The following CHLSN variants were observed in gnomAD, a reference collection of about 807,000 sequenced individuals.
The protein encoded by CHLSN is protein cholesin.
chr7:1,048,637 C>T, the CHLSN span, among the ~76,000 whole-genome samples: 1 of 152,180 alleles, frequency 6.6e-6, no homozygotes, highest in Non-Finnish European at 1.5e-5. Context: ...TCATTATTAA[C>T]AGACTGTTTG....
At chr7:988,447 C>T in the CHLSN span, 49 of 1,611,160 alleles carry the variant, frequency 3.0e-5, no homozygotes, top group East Asian at 4.5e-5. Context: ...CGGGGTGGGG[C>T]GGCACCTCCA....
At chr7:1,043,059 C>T in the CHLSN span, among the ~76,000 whole-genome samples, 15 of 149,628 alleles carry the variant, frequency 1.0e-4, no homozygotes, top group South Asian at 4.2e-4. Context: ...CGAGACCAGC[C>T]GGACCAACAT....
chr7:997,222 G>C, the CHLSN span: 1 of 163,936 alleles, frequency 6.1e-6, no homozygotes, highest in Non-Finnish European at 1.3e-5. Context: ...TCAGGCGGAA[G>C]GTGCAGGTTT....
chr7:1,028,165 G>C, the CHLSN span: 3 of 875,364 alleles, frequency 3.4e-6, no homozygotes, highest in Non-Finnish European at 4.1e-6. Flanking sequence ...TCCCACGGGA[G>C]CGCCCACCTG....
the CHLSN span, among the ~76,000 whole-genome samples, chr7:1,042,060 G>A: frequency 6.6e-6 from 1 of 151,936 alleles, no homozygotes; most frequent in Non-Finnish European, 1.5e-5. Context: ...GCACAACTAG[G>A]GCATCCCCCA....
At chr7:1,076,178 A>G in the CHLSN span, 2 of 152,556 alleles carry the variant, frequency 1.3e-5, no homozygotes, top group African/African-American at 4.8e-5. Flanking sequence ...GGGCTGCAAA[A>G]TCGGCTGGAA....
chr7:1,136,702 T>C, the CHLSN span, among the ~76,000 whole-genome samples: 2 of 150,384 alleles, frequency 1.3e-5, no homozygotes, highest in African/African-American at 4.9e-5. Flanking sequence ...TATGTACTTA[T>C]ATATATCATC....
the CHLSN span, among the ~76,000 whole-genome samples, chr7:1,096,140 G>A: frequency 6.6e-6 from 1 of 152,218 alleles, no homozygotes; most frequent in African/African-American, 2.4e-5. The surrounding 1 kb of genome is among the most constrained non-coding windows in gnomAD (Gnocchi z 4.6). Flanking sequence ...ACCAGACACC[G>A]CTGTTGAGTG....
At chr7:1,097,840 G>A in the CHLSN span, among the ~76,000 whole-genome samples, 1 of 152,194 alleles carries the variant, frequency 6.6e-6, no homozygotes, top group Non-Finnish European at 1.5e-5. The surrounding 1 kb of genome is among the most constrained non-coding windows in gnomAD (Gnocchi z 4.3). Context: ...CACAGCCTGA[G>A]TCTCATCAGG....
chr7:1,040,243 C>G, the CHLSN span, among the ~76,000 whole-genome samples: 1 of 150,140 alleles, frequency 6.7e-6, no homozygotes, highest in East Asian at 1.9e-4. Context: ...GTATTCCCAG[C>G]TGCTTGGGAG....
chr7:1,097,652 G>A, the CHLSN span, among the ~76,000 whole-genome samples: 1 of 152,188 alleles, frequency 6.6e-6, no homozygotes, highest in Non-Finnish European at 1.5e-5. This position sits in a 1 kb window ranked among gnomAD's most constrained non-coding sequence, Gnocchi z 4.3. Context: ...TGAGGTGCAG[G>A]GGACTGCAGA....
chr7:999,938 TGAAAAGGGCAGCTGCCCAC>T, the CHLSN span, among the ~76,000 whole-genome samples: 2 of 152,208 alleles, frequency 1.3e-5, no homozygotes, highest in Non-Finnish European at 2.9e-5. Flanking sequence ...ATCCTGCCCC[TGAAAAGGGCAGCTGCCCAC>T]ACGTACATGT....
At chr7:1,039,191 GT>G in the CHLSN span, among the ~76,000 whole-genome samples, 2 of 30,526 alleles carry the variant, frequency 6.6e-5, no homozygotes, top group African/African-American at 3.3e-4. Context: ...GGAGGTGGGG[GT>G]GTCAGCCCCC....
the CHLSN span, among the ~76,000 whole-genome samples, chr7:1,090,745 G>A: frequency 6.6e-6 from 1 of 152,228 alleles, no homozygotes; most frequent in Non-Finnish European, 1.5e-5. Context: ...TTTCTTCCTA[G>A]GTTACAAACA....
the CHLSN span, among the ~76,000 whole-genome samples, chr7:1,135,772 A>AATATATATATAT: frequency 2.9e-4 from 28 of 97,342 alleles, no homozygotes; most frequent in African/African-American, 1.1e-3. Context: ...CTCAAAAAGA[A>AATATATATATAT]ATATATATAT....
the CHLSN span, chr7:1,057,641 G>C: frequency 1.3e-6 from 1 of 770,422 alleles, no homozygotes; most frequent in East Asian, 2.4e-5. Context: ...CAGTGGGCCT[G>C]TGCTACAACG....
chr7:1,030,672 C>A, the CHLSN span, among the ~76,000 whole-genome samples: 1 of 152,166 alleles, frequency 6.6e-6, no homozygotes, highest in Non-Finnish European at 1.5e-5. Flanking sequence ...AGGCTTGTGG[C>A]TTTGGGCAGG....
At chr7:1,136,270 T>C in the CHLSN span, among the ~76,000 whole-genome samples, 3 of 117,596 alleles carry the variant, frequency 2.6e-5, no homozygotes, top group Admixed American at 2.0e-4. Flanking sequence ...CATATATAAA[T>C]ATATAAAATA....
chr7:1,010,574 C>T, the CHLSN span, among the ~76,000 whole-genome samples: 12 of 152,206 alleles, frequency 7.9e-5, no homozygotes, highest in Non-Finnish European at 1.5e-4. Flanking sequence ...ATCCCGAGGA[C>T]GGTGCCTGGG....
Sources: gnomAD v4.1 joint callset for allele counts (sites outside exome capture counted in the v4.1 genomes callset) on GRCh38, gnomAD v4.1.1 for gene constraint, Gnocchi (gnomAD v3.1) non-coding constraint, MANE v1.5 for transcripts, NCBI Gene and HGNC (gene_info 2026-07-23, HGNC 2026-07-21) for gene names.